Variants in ZBTB20 observed in about 807,000 individuals in gnomAD.
ZBTB20 encodes zinc finger and BTB domain containing 20.
In ZBTB20, 9 loss-of-function variants were observed where a neutral mutation model predicts 56.9. The ratio of observed to expected loss-of-function variants is 0.16; its 90% CI spans 0.10 to 0.28. ZBTB20 has a LOEUF of 0.28. Ranked by LOEUF, ZBTB20 falls within the 10% of genes least tolerant of loss-of-function variation. The probability of loss-of-function intolerance (pLI) is 1.00; values close to 1 mark genes in which losing one functional copy is unlikely to be tolerated. For synonymous variants in ZBTB20, 417 were observed against 420.7 expected (o/e 0.99, Z 0.11); for missense variants, 655 against 1,003.0 (o/e 0.65, Z 4.69).
chr3:114,501,703 T>C (rs2044000203), intron 6 of ZBTB20, among the ~76,000 whole-genome samples: 1 of 149,414 alleles, frequency 6.7e-6, no homozygotes, highest in Non-Finnish European at 1.5e-5. Flanking sequence ...TTTGTTTTTT[T>C]TTCTTTCTTT....
chr3:114,536,489 G>A (rs1445485899), intron 6 of ZBTB20, among the ~76,000 whole-genome samples: 5 of 152,056 alleles, frequency 3.3e-5, no homozygotes, highest in Non-Finnish European at 5.9e-5. Flanking sequence ...AAATAAGAGA[G>A]GACACAAACA....
At chr3:114,688,467 C>A (rs1331376772) in intron 6 of ZBTB20, 1 of 151,608 alleles carries the variant, frequency 6.6e-6, no homozygotes, top group African/African-American at 2.4e-5. Flanking sequence ...TTATTCTTCT[C>A]CTCTATCATT....
At chr3:114,670,043 A>G (rs1286981368) in intron 6 of ZBTB20, among the ~76,000 whole-genome samples, 1 of 152,078 alleles carries the variant, frequency 6.6e-6, no homozygotes, top group Admixed American at 6.6e-5. Flanking sequence ...AAATTCAAAT[A>G]TGTGACATTT....
At chr3:114,435,050 T>C (rs1306011897) in intron 7 of ZBTB20, among the ~76,000 whole-genome samples, 3 of 152,146 alleles carry the variant, frequency 2.0e-5, no homozygotes, top group Non-Finnish European at 4.4e-5. Context: ...ATGTATCCTA[T>C]TGTATGTATG....
intron 3 of ZBTB20, among the ~76,000 whole-genome samples, chr3:114,928,397 T>C (rs2076235465): frequency 6.6e-6 from 1 of 150,390 alleles, no homozygotes; most frequent in Non-Finnish European, 1.5e-5. Flanking sequence ...GGTTCTTCAA[T>C]GATGGAGAAC....
chr3:114,431,596 C>T (rs943616950), intron 7 of ZBTB20, among the ~76,000 whole-genome samples: 5 of 152,054 alleles, frequency 3.3e-5, no homozygotes, highest in African/African-American at 9.7e-5. Flanking sequence ...TGACAAAATA[C>T]CATTTGAACT....
In ZBTB20 at chr3:114,468,297, T is replaced by TA. The variant is rs368496482; in HGVS notation, c.-255+32054dup. Among the ~76,000 whole-genome samples the TA allele has an allele frequency of 4.5e-3, 687 of 152,256 alleles. 6 individuals carry two copies. The highest frequency in any genetic ancestry group is 0.015 in the African/African-American group (642 of 41,552). Reference sequence around the variant, plus strand: ...GGAAAATCAGGTTTTGATAGAGAATTAAAAAATAGCTTTAGCATATGTTCA... The same window carrying TA: ...GGAAAATCAGGTTTTGATAGAGAATTAAAAAAATAGCTTTAGCATATGTTCA... On this transcript the variant is annotated intron_variant, in intron 7 of 11. Coordinates refer to ENST00000675478, the MANE Select transcript of ZBTB20 (RefSeq NM_001348800.3).
chr3:114,674,753 A>G (rs2061533851), intron 6 of ZBTB20, among the ~76,000 whole-genome samples: 2 of 152,162 alleles, frequency 1.3e-5, no homozygotes, highest in African/African-American at 4.8e-5. Flanking sequence ...AAATATTAAT[A>G]TTAGAAATAT....
chr3:114,462,832 G>A (rs2092390741), intron 7 of ZBTB20, among the ~76,000 whole-genome samples: 1 of 152,160 alleles, frequency 6.6e-6, no homozygotes, highest in Non-Finnish European at 1.5e-5. Context: ...TATATATGTG[G>A]AGAAAACCAC....
At chr3:115,061,267 T>C (rs2082001475) in intron 2 of ZBTB20, among the ~76,000 whole-genome samples, 1 of 152,222 alleles carries the variant, frequency 6.6e-6, no homozygotes, top group South Asian at 2.1e-4. Flanking sequence ...TTTTATTTGC[T>C]TCCTTTTGGT....
chr3:115,128,453 C>G (rs552718285), intron 1 of ZBTB20, among the ~76,000 whole-genome samples: 1 of 151,960 alleles, frequency 6.6e-6, no homozygotes, highest in Admixed American at 6.5e-5. Flanking sequence ...CTTCTGAGGT[C>G]AGGAGTTCAA....
chr3:114,805,932 C>T (rs2072071810), intron 4 of ZBTB20, among the ~76,000 whole-genome samples: 1 of 151,626 alleles, frequency 6.6e-6, no homozygotes, highest in Non-Finnish European at 1.5e-5. Context: ...GTAGTCTATT[C>T]CCTTTTACTG....
At chr3:114,633,602 C>T (rs1311304500) in intron 6 of ZBTB20, among the ~76,000 whole-genome samples, 1 of 152,112 alleles carries the variant, frequency 6.6e-6, no homozygotes, top group Non-Finnish European at 1.5e-5. Flanking sequence ...TTTACCTGTT[C>T]TCATTCAGTG....
rs544845221 is a variant in ZBTB20 at position 114,315,035 on chromosome 3, C to CTGTT, written c.*23966_*23969dup. 1.3e-5 allele frequency: 2 copies of CTGTT among 151,946 alleles called. No individual in the cohort carries two copies. The highest frequency in any genetic ancestry group is 1.9e-4 in the East Asian group (1 of 5,188). The allele number at this position is 151,946 out of a possible 1,614,324, so 9.4% of individuals were successfully genotyped here. A position where few individuals can be genotyped will look rare whatever the true frequency, so the allele number is the denominator to read the frequency against. On this transcript the variant is annotated 3_prime_UTR_variant, in exon 12 of 12. Transcript: ENST00000675478. Reference sequence around the variant, plus strand: ...TGCAAGGTTTTTCCAAACAATTTTTCTGTTTGTTTGTTTGATAACTGACAA... The same window carrying CTGTT: ...TGCAAGGTTTTTCCAAACAATTTTTCTGTTTGTTTGTTTGTTTGATAACTGACAA...
chr3:114,349,717 C>G (rs1272088633), intron 11 of ZBTB20, among the ~76,000 whole-genome samples: 2 of 152,170 alleles, frequency 1.3e-5, no homozygotes, highest in African/African-American at 2.4e-5. Context: ...ATAATAGCTA[C>G]CACTTATAGA....
chr3:114,474,883 G>T (rs1196034036), intron 7 of ZBTB20, among the ~76,000 whole-genome samples: 4 of 152,028 alleles, frequency 2.6e-5, no homozygotes, highest in Admixed American at 6.6e-5. Flanking sequence ...ATAGTCTCCT[G>T]CCTGATCTTG....
intron 3 of ZBTB20, among the ~76,000 whole-genome samples, chr3:114,911,914 A>C (rs2075555245): frequency 6.6e-6 from 1 of 151,848 alleles, no homozygotes; most frequent in Admixed American, 6.6e-5. Flanking sequence ...AGATTCAAGC[A>C]GCATAAAGGC....
chr3:114,506,788 A>G (rs1248047911), intron 6 of ZBTB20, among the ~76,000 whole-genome samples: 2 of 152,152 alleles, frequency 1.3e-5, no homozygotes, highest in Admixed American at 1.3e-4. Context: ...ACCTTTCACA[A>G]TCTGGCCCCG....
At chr3:114,423,641 T>G (rs1268334358) in intron 7 of ZBTB20, among the ~76,000 whole-genome samples, 1 of 152,230 alleles carries the variant, frequency 6.6e-6, no homozygotes, top group Non-Finnish European at 1.5e-5. Flanking sequence ...TTATGAAGTA[T>G]GAGGGATTGA....
Sources: gnomAD v4.1 joint callset for allele counts (sites outside exome capture counted in the v4.1 genomes callset) on GRCh38, gnomAD v4.1.1 for gene constraint, MANE v1.5 for transcripts, NCBI Gene and HGNC (gene_info 2026-07-23, HGNC 2026-07-21) for gene names.